Variants in PRKAR1B observed in about 807,000 individuals in gnomAD.
The protein encoded by PRKAR1B is protein kinase cAMP-dependent type I regulatory subunit beta.
PRKAR1B carries 22 observed loss-of-function variants against 46.5 expected under a neutral mutation model. The observed-to-expected ratio is 0.47, with a 90% CI of 0.34 to 0.68. The LOEUF is 0.68. Ranked by LOEUF, PRKAR1B falls within the 30% of genes least tolerant of loss-of-function variation. The pLI, the probability that PRKAR1B is intolerant of heterozygous loss-of-function variation, is 0.01. For synonymous variants in PRKAR1B, 259 were observed against 217.7 expected, an observed-to-expected ratio of 1.19 and a Z score of -1.67; for missense variants, 445 against 535.6, an observed-to-expected ratio of 0.83 and a Z score of 1.67.
At chr7:590,363 C>T (rs1780904795) in intron 7 of PRKAR1B, among the ~76,000 whole-genome samples, 3 of 152,186 alleles carry the variant, frequency 2.0e-5, no homozygotes, top group African/African-American at 7.2e-5. Context: ...GCCTGGTGGG[C>T]ACAGCTGGGT....
chr7:590,434 C>T (rs1422691578), intron 7 of PRKAR1B, among the ~76,000 whole-genome samples: 2 of 152,228 alleles, frequency 1.3e-5, no homozygotes, highest in East Asian at 3.9e-4. Context: ...GTGGCCCTCG[C>T]GTGCCCAGTC....
chr7:619,219 C>A (rs1040336986), intron 4 of PRKAR1B, among the ~76,000 whole-genome samples: 1 of 152,164 alleles, frequency 6.6e-6, no homozygotes, highest in African/African-American at 2.4e-5. Context: ...ACCTACAAGC[C>A]AAGGAGAGGC....
intron 2 of PRKAR1B, among the ~76,000 whole-genome samples, chr7:708,699 C>G (rs1238860462): frequency 6.6e-6 from 1 of 151,810 alleles, no homozygotes; most frequent in Non-Finnish European, 1.5e-5. Flanking sequence ...GTTGGCCAGG[C>G]TGGTCTCCAA....
At chr7:647,678 C>T (rs1478437878) in intron 4 of PRKAR1B, among the ~76,000 whole-genome samples, 3 of 151,610 alleles carry the variant, frequency 2.0e-5, no homozygotes, top group African/African-American at 4.9e-5. Context: ...AGGTGGCAGG[C>T]GCCTGTAGTC....
intron 4 of PRKAR1B, among the ~76,000 whole-genome samples, chr7:658,931 A>G (rs558578636): frequency 6.6e-6 from 1 of 152,250 alleles, no homozygotes; most frequent in Non-Finnish European, 1.5e-5. Context: ...GGTTATAGAC[A>G]TGAGCCACCG....
At chr7:563,832 C>A (rs1200376522) in intron 9 of PRKAR1B, among the ~76,000 whole-genome samples, 1 of 151,320 alleles carries the variant, frequency 6.6e-6, no homozygotes, top group Non-Finnish European at 1.5e-5. Flanking sequence ...TCCATGTGCA[C>A]ACGGATCAGT....
chr7:701,371 G>A (rs957686195), intron 2 of PRKAR1B, among the ~76,000 whole-genome samples: 5 of 152,006 alleles, frequency 3.3e-5, no homozygotes, highest in African/African-American at 9.7e-5. Flanking sequence ...ATTTAACAGA[G>A]CCTCAGGGAC....
chr7:646,116 G>C (rs1314233233), intron 4 of PRKAR1B, among the ~76,000 whole-genome samples: 1 of 152,052 alleles, frequency 6.6e-6, no homozygotes, highest in Non-Finnish European at 1.5e-5. Flanking sequence ...TGCAATCATA[G>C]CTCACTGAAA....
In PRKAR1B at chr7:602,920, G is replaced by A. The variant is rs908735358; in HGVS notation, c.549+3273C>T. Among the ~76,000 whole-genome samples, 1 of 152,130 alleles carries A rather than the reference G, an allele frequency of 6.6e-6. No homozygotes were observed. The highest frequency in any genetic ancestry group is 1.5e-5 in the Non-Finnish European group (1 of 68,014). On this transcript the variant is annotated intron_variant, in intron 6 of 10. Coordinates refer to ENST00000537384, the MANE Select transcript of PRKAR1B (RefSeq NM_001164760.2). The surrounding 1 kb of genome is among the most constrained non-coding windows in gnomAD (Gnocchi z 6.4). ...ACACAGCCTGGGTCCTCTGAGTCCC[G>A]AGTCCACGCGATCCTGACCCGTCCA...
intron 3 of PRKAR1B, among the ~76,000 whole-genome samples, chr7:678,230 C>T (rs1427437809): frequency 6.6e-6 from 1 of 152,184 alleles, no homozygotes; most frequent in Non-Finnish European, 1.5e-5. Flanking sequence ...GATCATGCCA[C>T]TGCACTTCAG....
At chr7:575,296 C>T (rs1779756594) in intron 9 of PRKAR1B, among the ~76,000 whole-genome samples, 1 of 152,222 alleles carries the variant, frequency 6.6e-6, no homozygotes, top group East Asian at 1.9e-4. Flanking sequence ...GCTGCGCTGG[C>T]TGGGTATGCG....
intron 8 of PRKAR1B, among the ~76,000 whole-genome samples, chr7:579,877 G>A (rs1008251674): frequency 2.6e-5 from 4 of 152,134 alleles, no homozygotes; most frequent in African/African-American, 9.7e-5. Context: ...CAGGAGGATC[G>A]CTTGAGGCCA....
chr7:617,295 G>C (rs1019614611), intron 4 of PRKAR1B, among the ~76,000 whole-genome samples: 2 of 121,588 alleles, frequency 1.6e-5, no homozygotes, highest in Non-Finnish European at 3.2e-5. Context: ...GCAGGACCAA[G>C]TGCCTTTTTT....
chr7:592,040 G>A (rs549705941), intron 7 of PRKAR1B, among the ~76,000 whole-genome samples: 12 of 152,306 alleles, frequency 7.9e-5, no homozygotes, highest in African/African-American at 2.2e-4. Context: ...AGCAGGGGTC[G>A]CCAGCTGTGA....
chr7:576,439 C>T (rs1168459763), intron 9 of PRKAR1B, among the ~76,000 whole-genome samples: 4 of 152,200 alleles, frequency 2.6e-5, no homozygotes, highest in Non-Finnish European at 5.9e-5. Context: ...ATAACGGCTC[C>T]CCCGCAAGGA....
At chr7:679,334 C>A (rs1190454939) in intron 3 of PRKAR1B, among the ~76,000 whole-genome samples, 1 of 152,206 alleles carries the variant, frequency 6.6e-6, no homozygotes, top group East Asian at 1.9e-4. Context: ...TCCCCCGTGG[C>A]CTCCGGTCTG....
intron 4 of PRKAR1B, among the ~76,000 whole-genome samples, chr7:669,883 T>TTTTTTTTTTTTTTTTG (rs770566286): frequency 1.4e-5 from 2 of 144,738 alleles, no homozygotes; most frequent in Non-Finnish European, 1.5e-5. Flanking sequence ...TTTTTTTTTT[T>TTTTTTTTTTTTTTTTG]GAGACGGAGT....
rs1176263197 is a variant in PRKAR1B at position 593,324 on chromosome 7, T to C, written c.708+2822A>G. Among the ~76,000 whole-genome samples, 2 of 152,178 alleles carry C rather than the reference T, an allele frequency of 1.3e-5. No individual in the cohort carries two copies. Among genetic ancestry groups the C allele is most frequent in the Non-Finnish European group, 2.9e-5 (2 of 68,034 alleles). ...GTCCCAGCACGTCCCAGCTCGGGACTAAGGCAGAAACAGGAGCTGTGTGAG... is the reference window on the plus strand; with the variant it reads ...GTCCCAGCACGTCCCAGCTCGGGACCAAGGCAGAAACAGGAGCTGTGTGAG... On this transcript the variant is annotated intron_variant, in intron 7 of 10. Transcript: ENST00000537384. The surrounding 1 kb of genome is among the most constrained non-coding windows in gnomAD (Gnocchi z 6.1).
chr7:563,326 A>T (rs1043571737), intron 9 of PRKAR1B, among the ~76,000 whole-genome samples: 1 of 152,208 alleles, frequency 6.6e-6, no homozygotes, highest in African/African-American at 2.4e-5. Context: ...ATGAGCCTAA[A>T]AACCCTCCAC....
Sources: gnomAD v4.1 joint callset for allele counts (sites outside exome capture counted in the v4.1 genomes callset) on GRCh38, gnomAD v4.1.1 for gene constraint, Gnocchi (gnomAD v3.1) non-coding constraint, MANE v1.5 for transcripts, NCBI Gene and HGNC (gene_info 2026-07-23, HGNC 2026-07-21) for gene names.